Variants in PIAS4 observed in about 807,000 individuals in gnomAD.
PIAS4 encodes the protein E3 SUMO-protein ligase PIAS4.
Under a neutral mutation model 58.0 loss-of-function variants are expected in PIAS4, and 7 were observed. The ratio of observed to expected loss-of-function variants is 0.12; its 90% CI spans 0.07 to 0.23. The LOEUF (loss-of-function observed/expected upper bound fraction) is 0.23, where lower values mean the gene tolerates loss of function less well. PIAS4 is among the 10% of genes least tolerant of loss of function. The pLI, the probability that PIAS4 is intolerant of heterozygous loss-of-function variation, is 1.00. For missense variants in PIAS4, 550 were observed against 709.5 expected (o/e 0.78, Z 2.55); for synonymous variants, 364 against 312.4 (o/e 1.17, Z -1.74).
At chr19:4,016,838 C>T (rs1227449129) in intron 2 of PIAS4, among the ~76,000 whole-genome samples, 3 of 152,102 alleles carry the variant, frequency 2.0e-5, no homozygotes, top group East Asian at 1.9e-4. Flanking sequence ...GGAGGAGGGA[C>T]GCAGTAGCCT....
chr19:4,019,385 CAG>C (rs1386060043), intron 2 of PIAS4, among the ~76,000 whole-genome samples: 1 of 152,180 alleles, frequency 6.6e-6, no homozygotes, highest in Non-Finnish European at 1.5e-5. Flanking sequence ...GCAGGGACCC[CAG>C]AGTCTTGTTC....
chr19:4,029,886 G>A (rs1057152599), intron 7 of PIAS4, among the ~76,000 whole-genome samples: 3 of 132,722 alleles, frequency 2.3e-5, no homozygotes, highest in African/African-American at 8.4e-5. Context: ...GCAATGGCAC[G>A]ATCTCGGCTC....
At position 4,012,517 on chromosome 19, in the gene PIAS4, T is replaced by C. The variant is rs972186363; in HGVS notation, c.28-406T>C. 3.3e-5 allele frequency among the ~76,000 whole-genome samples: 5 copies of C among 152,254 alleles called. No homozygotes were observed. The East Asian group carries it at 9.7e-4, about 29-fold the overall frequency. On this transcript the variant is annotated intron_variant, in intron 1 of 10. Coordinates refer to ENST00000262971, the MANE Select transcript of PIAS4 (RefSeq NM_015897.4). ...CCGCCCAGCCAGTGCTTTATGTCAT[T>C]ATCCTCCCGACGTAGAGACTGAGGG...
chr19:4,018,356 C>T (rs2040072863), intron 2 of PIAS4: 1 of 152,268 alleles, frequency 6.6e-6, no homozygotes, highest in Admixed American at 6.5e-5. Flanking sequence ...TGAGCATCTG[C>T]TCACAGCGTT....
rs1442752382 is a variant in PIAS4, at chr19:4,013,540, T to C, written c.454+191T>C. 1.3e-5 allele frequency among the ~76,000 whole-genome samples: 2 copies of C among 152,120 alleles called. No individual in the cohort carries two copies. Among genetic ancestry groups the C allele is most frequent in the Non-Finnish European group, 1.5e-5 (1 of 68,010 alleles). On this transcript the variant is annotated intron_variant, in intron 2 of 10. Transcript: ENST00000262971. This position sits in a 1 kb window ranked among gnomAD's most constrained non-coding sequence, Gnocchi z 5.1. The stretch of plus-strand genomic sequence containing the variant: ...CTTTGATATTGGTCACCCCTTGCTG[T>C]GTTACAAGTTACCCCGAAATGGAGC...
At chr19:4,026,134 TC>T (rs2040161836) in intron 3 of PIAS4, among the ~76,000 whole-genome samples, 2 of 149,022 alleles carry the variant, frequency 1.3e-5, no homozygotes, top group Admixed American at 1.3e-4. Context: ...CATTTCTTTT[TC>T]TTTTTCTTTT....
Position 4,037,888 on chromosome 19 carries a change from A to C in PIAS4, c.*13A>C. ...GCCGGCCTGCTGACCCCGGCCGCAC[A>C]CTCGACTTTCCTGGTGCTCACCACG... On this transcript the variant is annotated 3_prime_UTR_variant, in exon 11 of 11. Coordinates refer to ENST00000262971, the MANE Select transcript of PIAS4 (RefSeq NM_015897.4). The surrounding 1 kb of genome is among the most constrained non-coding windows in gnomAD (Gnocchi z 5.8). 6.4e-7 allele frequency: 1 copy of C among 1,566,002 alleles called. No individual in the cohort carries two copies. The highest frequency in any genetic ancestry group is 1.2e-5 in the South Asian group (1 of 86,352).
At chr19:4,034,231 A>T (rs2040253629) in intron 9 of PIAS4, among the ~76,000 whole-genome samples, 1 of 152,116 alleles carries the variant, frequency 6.6e-6, no homozygotes, top group Admixed American at 6.5e-5. Flanking sequence ...ACAGCGGCAC[A>T]AGCTGGCGCC....
Position 4,012,931 on chromosome 19 carries a change from G to T in PIAS4, c.36G>T (p.Val12=), listed in dbSNP as rs1278285216. The T allele has an allele frequency of 6.2e-7, 1 of 1,612,040 alleles. No homozygotes were observed. Among genetic ancestry groups the T allele is most frequent in the Non-Finnish European group, 8.5e-7 (1 of 1,178,762 alleles). ...TGCTTGCTCCTCCTCAGAACATGGT[G>T]ATGAGTTTTCGAGTCTCCGACCTTC... ...AAELVEAKNM[V]MSFRVSDLQM... Residue 12 remains valine, a synonymous_variant, in exon 2 of 11, where the codon GTG becomes GTT. Transcript: ENST00000262971.
intron 8 of PIAS4, 84 bp from the exon 9 acceptor site, chr19:4,033,336 A>G (rs1211001225): frequency 1.1e-5 from 15 of 1,388,348 alleles, no homozygotes; most frequent in Admixed American, 2.0e-5. Context: ...GGAGCGAGCC[A>G]CAGGATGGAG....
chr19:4,025,329 G>C (rs2040151516), intron 3 of PIAS4, among the ~76,000 whole-genome samples: 1 of 152,212 alleles, frequency 6.6e-6, no homozygotes, highest in African/African-American at 2.4e-5. Flanking sequence ...GGCCAGTGTG[G>C]CTGCCCTGCG....
chr19:4,027,491 T>C (rs2040177784), intron 3 of PIAS4, among the ~76,000 whole-genome samples: 1 of 152,158 alleles, frequency 6.6e-6, no homozygotes, highest in African/African-American at 2.4e-5. Context: ...CGGATGCGTC[T>C]TTGGGTAGAT....
chr19:4,034,549 G>T (rs940406819), intron 9 of PIAS4, among the ~76,000 whole-genome samples: 1 of 152,224 alleles, frequency 6.6e-6, no homozygotes, highest in African/African-American at 2.4e-5. Flanking sequence ...TGGAGGGCTG[G>T]GTGGCCACCC....
intron 2 of PIAS4, among the ~76,000 whole-genome samples, chr19:4,016,263 C>G (rs2040053077): frequency 6.6e-6 from 1 of 152,244 alleles, no homozygotes; most frequent in African/African-American, 2.4e-5. Context: ...AGGATACATG[C>G]TGGCCGGGCA....
chr19:4,027,961 C>T (rs1356203175), intron 3 of PIAS4, among the ~76,000 whole-genome samples, 185 bp from the exon 4 acceptor site: 2 of 152,054 alleles, frequency 1.3e-5, no homozygotes, highest in South Asian at 4.1e-4. Flanking sequence ...GAGGCCAGCC[C>T]CTCTCCTGAC....
intron 7 of PIAS4, among the ~76,000 whole-genome samples, 154 bp from the exon 8 acceptor site, chr19:4,032,946 C>T (rs924876136): frequency 6.6e-6 from 1 of 152,216 alleles, no homozygotes; most frequent in South Asian, 2.1e-4. Context: ...TTTCTCCAAT[C>T]CCTCACGGCC....
At chr19:4,009,744 C>T (rs2039975486) in intron 1 of PIAS4, among the ~76,000 whole-genome samples, 1 of 152,180 alleles carries the variant, frequency 6.6e-6, no homozygotes, top group African/African-American at 2.4e-5. Context: ...CTTCCCCAGC[C>T]TGTCATATTC....
At chr19:4,036,736 A>C (rs1318926541) in intron 9 of PIAS4, among the ~76,000 whole-genome samples, 1 of 149,204 alleles carries the variant, frequency 6.7e-6, no homozygotes, top group Non-Finnish European at 1.5e-5. Flanking sequence ...AGTCCACACC[A>C]TCACATGCAC....
chr19:4,012,212 C>G (rs562653836), intron 1 of PIAS4, among the ~76,000 whole-genome samples: 1 of 152,032 alleles, frequency 6.6e-6, no homozygotes, highest in African/African-American at 2.4e-5. Context: ...AGGCCCAGCC[C>G]TGTGTTGACA....
Sources: allele counts gnomAD v4.1 joint callset (sites outside exome capture counted in the v4.1 genomes callset), GRCh38; gene constraint gnomAD v4.1.1; non-coding constraint Gnocchi (gnomAD v3.1); transcripts MANE v1.5; gene names NCBI Gene and HGNC (gene_info 2026-07-23, HGNC 2026-07-21).